The following C10orf143 variants were observed in gnomAD, a reference collection of about 807,000 sequenced individuals.
The protein encoded by C10orf143 is chromosome 10 open reading frame 143, also known as uncharacterized protein C10orf143.
At chr10:130,055,966 A>AG (rs910957372) in intron 3 of C10orf143, among the ~76,000 whole-genome samples, 4 of 149,394 alleles carry the variant, frequency 2.7e-5, no homozygotes, top group Non-Finnish European at 5.9e-5. Context: ...AAAAAAAAAA[A>AG]AAAAAAAAAA....
intron 1 of C10orf143, among the ~76,000 whole-genome samples, chr10:130,110,003 T>A (rs1861733225): frequency 6.6e-6 from 1 of 151,912 alleles, no homozygotes; most frequent in East Asian, 1.9e-4. Flanking sequence ...GTCTTCCAGC[T>A]CCAATCCTGC....
At chr10:130,061,302 AT>A (rs1281638524), downstream of C10orf143, among the ~76,000 whole-genome samples, 3 of 152,150 alleles carry the variant, frequency 2.0e-5, no homozygotes, top group African/African-American at 7.2e-5. Context: ...ATAATTAAAA[AT>A]TTTTTTCTTT....
At chr10:130,084,164 A>AG (rs1443750348) in intron 1 of C10orf143, among the ~76,000 whole-genome samples, 1 of 151,972 alleles carries the variant, frequency 6.6e-6, no homozygotes, top group Non-Finnish European at 1.5e-5. Context: ...CAAAAAAAAA[A>AG]TTAGCCAGGC....
rs760785991 is a variant in C10orf143 at position 130,083,395 on chromosome 10, A to C, written c.70-3494T>G. The stretch of plus-strand genomic sequence containing the variant: ...CACATTTTTTAACCCAGCAATTACA[A>C]CTCTAGAATCTACCCAAAACATACA... On this transcript the variant is annotated intron_variant, in intron 1 of 3. Coordinates refer to ENST00000637128, the MANE Select transcript of C10orf143 (RefSeq NM_001355042.2). Among the ~76,000 whole-genome samples, 40 of 152,272 alleles carry C rather than the reference A, an allele frequency of 2.6e-4. 1 individual carries two copies. Among genetic ancestry groups the C allele is most frequent in the Middle Eastern group, 3.4e-3 (1 of 294 alleles).
At chr10:130,105,900 C>T in intron 1 of C10orf143, 1 of 364,634 alleles carries the variant, frequency 2.7e-6, no homozygotes, top group South Asian at 2.1e-5. Flanking sequence ...GCGCCCGCAT[C>T]CCCCAGCTCC....
Position 130,064,117 on chromosome 10 carries a change from A to G in C10orf143, c.*237T>C, listed in dbSNP as rs1487998640. On this transcript the variant is annotated 3_prime_UTR_variant, in exon 4 of 4. Coordinates refer to ENST00000637128, the MANE Select transcript of C10orf143 (RefSeq NM_001355042.2). ...GGAACATTCGAAAGGAGGCTGTAGT[A>G]CGTAGTAAGGATTTGGGGGCTCTTT... 11 of 371,556 alleles carry G rather than the reference A, an allele frequency of 3.0e-5. No individual in the cohort carries two copies. Among genetic ancestry groups the G allele is most frequent in the Non-Finnish European group, 4.8e-5 (10 of 210,000 alleles). 23.0% of individuals were successfully genotyped at this position (371,556 alleles called of 1,614,324 possible).
chr10:130,093,920 G>C (rs557446071), intron 1 of C10orf143, among the ~76,000 whole-genome samples: 1 of 151,620 alleles, frequency 6.6e-6, no homozygotes, highest in Non-Finnish European at 1.5e-5. Context: ...TGAGGCAGGA[G>C]AATGGCATGA....
chr10:130,079,645 A>G lies in C10orf143; in HGVS notation c.235-17T>C. 1 of 399,096 alleles carries G rather than the reference A, an allele frequency of 2.5e-6. No individual in the cohort carries two copies. Among genetic ancestry groups the G allele is most frequent in the Non-Finnish European group, 4.4e-6 (1 of 226,088 alleles). 24.7% of individuals were successfully genotyped at this position (399,096 alleles called of 1,614,324 possible). ...CTGAGAAATCTAGTTAACAAATCAC[A>G]GTTGCAGATATATCAGAACAATGAT... On this transcript the variant is annotated splice_polypyrimidine_tract_variant and intron_variant, in intron 2 of 3. Transcript: ENST00000637128.
At chr10:130,075,109 A>G (rs1178555830) in intron 3 of C10orf143, among the ~76,000 whole-genome samples, 1 of 152,138 alleles carries the variant, frequency 6.6e-6, no homozygotes, top group East Asian at 1.9e-4. Flanking sequence ...AGAAAAAAAG[A>G]TAAGGCTAAT....
At chr10:130,102,987 TTTTA>T (rs1050407393) in intron 1 of C10orf143, among the ~76,000 whole-genome samples, 5 of 91,494 alleles carry the variant, frequency 5.5e-5, no homozygotes, top group Non-Finnish European at 1.0e-4. Context: ...CTTTTTTTTT[TTTTA>T]AAAGATTGTG....
Position 130,047,518 on chromosome 10 carries a change from T to C in C10orf143, c.298-11548A>G, listed in dbSNP as rs567447215. On this transcript the variant is annotated intron_variant and NMD_transcript_variant, in intron 3 of 5. Coordinates refer to the C10orf143 transcript ENST00000643056. ...CTGATGATGCCCACAGCTCTCAACC[T>C]GCAGCCGCTTTCTCAAATTCCTGGA... 7.2e-5 allele frequency among the ~76,000 whole-genome samples: 11 copies of C among 152,290 alleles called. No homozygotes were observed. In the South Asian group the frequency reaches 2.3e-3, roughly 32 times the overall value.
intron 1 of C10orf143, among the ~76,000 whole-genome samples, chr10:130,100,511 T>C (rs1861531501): frequency 6.6e-6 from 1 of 152,136 alleles, no homozygotes; most frequent in Non-Finnish European, 1.5e-5. Context: ...AGAGGGAGAC[T>C]CTGTCTCAAA....
intron 3 of C10orf143, among the ~76,000 whole-genome samples, chr10:130,042,801 T>C (rs1374314659): frequency 2.0e-5 from 3 of 152,030 alleles, no homozygotes; most frequent in African/African-American, 7.2e-5. Flanking sequence ...AAGCAACGCT[T>C]GGAAAGGAGG....
chr10:130,090,321 T>G (rs985168293), intron 1 of C10orf143, among the ~76,000 whole-genome samples: 1 of 151,930 alleles, frequency 6.6e-6, no homozygotes, highest in African/African-American at 2.4e-5. Context: ...GTCACGGAAC[T>G]CCCTCCCCAG....
chr10:130,041,766 A>G, intron 3 of C10orf143, among the ~76,000 whole-genome samples: 1 of 152,216 alleles, frequency 6.6e-6, no homozygotes, highest in East Asian at 1.9e-4. Context: ...GGACAAATTA[A>G]GTGAAAAAAA....
At chr10:130,084,796 T>C (rs554184532) in intron 1 of C10orf143, among the ~76,000 whole-genome samples, 1 of 152,208 alleles carries the variant, frequency 6.6e-6, no homozygotes, top group South Asian at 2.1e-4. Flanking sequence ...CTGGACTCCA[T>C]GGGAAGCAGC....
chr10:130,070,042 T>C (rs1490386565), intron 3 of C10orf143, among the ~76,000 whole-genome samples: 1 of 152,190 alleles, frequency 6.6e-6, no homozygotes, highest in Non-Finnish European at 1.5e-5. Flanking sequence ...ATATCATGAA[T>C]GGGATTCGCA....
At chr10:130,046,189 G>A (rs1860669760) in intron 3 of C10orf143, among the ~76,000 whole-genome samples, 1 of 151,458 alleles carries the variant, frequency 6.6e-6, no homozygotes, top group South Asian at 2.1e-4. Flanking sequence ...GGCCTGAGTG[G>A]GGCGCGGGGC....
At chr10:130,088,796 G>T (rs946945095) in intron 1 of C10orf143, among the ~76,000 whole-genome samples, 1 of 152,170 alleles carries the variant, frequency 6.6e-6, no homozygotes, top group Admixed American at 6.5e-5. Context: ...ATCAAGTAAA[G>T]ATTCCTTTCC....
Sources: gnomAD v4.1 joint callset for allele counts (sites outside exome capture counted in the v4.1 genomes callset) on GRCh38, gnomAD v4.1.1 for gene constraint, MANE v1.5 for transcripts, NCBI Gene and HGNC (gene_info 2026-07-23, HGNC 2026-07-21) for gene names.